WWTR1: variants seen among roughly 807,000 people sequenced by gnomAD.
The protein encoded by WWTR1 is WW domain-containing transcription regulator protein 1.
Under a neutral mutation model 40.1 loss-of-function variants are expected in WWTR1, and 13 were observed. That is an observed-to-expected ratio of 0.32 (90% CI 0.21 to 0.52). WWTR1 has a LOEUF of 0.52. Ranked by LOEUF, WWTR1 falls within the 20% of genes least tolerant of loss-of-function variation. WWTR1 has a pLI of 0.97. For missense variants in WWTR1, 436 were observed against 523.1 expected (o/e 0.83, Z 1.63); for synonymous variants, 230 against 210.1 (o/e 1.09, Z -0.82).
chr3:149,707,270 G>C (rs754070982), upstream of WWTR1, among the ~76,000 whole-genome samples: 1 of 152,126 alleles, frequency 6.6e-6, no homozygotes, highest in Non-Finnish European at 1.5e-5. Flanking sequence ...AGCTGTCTTT[G>C]ATCAAAGCCC....
At chr3:149,646,758 G>A (rs1712557504) in intron 2 of WWTR1, among the ~76,000 whole-genome samples, 1 of 152,194 alleles carries the variant, frequency 6.6e-6, no homozygotes, top group East Asian at 1.9e-4. Context: ...CCGGAGAGCT[G>A]TTCTTTGGGC....
At chr3:149,532,252 T>C (rs1264934660) in intron 4 of WWTR1, among the ~76,000 whole-genome samples, 1 of 152,198 alleles carries the variant, frequency 6.6e-6, no homozygotes, top group African/African-American at 2.4e-5. Flanking sequence ...ATTATTATTA[T>C]TTCATTTTCT....
chr3:149,588,636 G>C (rs551246910), intron 2 of WWTR1, among the ~76,000 whole-genome samples: 2 of 152,074 alleles, frequency 1.3e-5, no homozygotes, highest in South Asian at 4.2e-4. Context: ...ATGAACAAGG[G>C]GGAAGTAGGC....
chr3:149,592,135 C>A (rs188738235), intron 2 of WWTR1, among the ~76,000 whole-genome samples: 7 of 152,134 alleles, frequency 4.6e-5, no homozygotes, highest in Non-Finnish European at 7.4e-5. Flanking sequence ...CAAAAGGGTT[C>A]TGTTATCAAA....
chr3:149,535,717 A>T (rs1160089968), intron 4 of WWTR1, among the ~76,000 whole-genome samples: 1 of 151,780 alleles, frequency 6.6e-6, no homozygotes, highest in African/African-American at 2.4e-5. Context: ...CTTAAAAAAA[A>T]AAAAAAAGGC....
chr3:149,558,167 G>C (rs1736920555), intron 3 of WWTR1, among the ~76,000 whole-genome samples: 2 of 152,062 alleles, frequency 1.3e-5, no homozygotes, highest in South Asian at 4.1e-4. Context: ...CAGTACACCT[G>C]CCAGTCTAGG....
intron 4 of WWTR1, among the ~76,000 whole-genome samples, chr3:149,532,579 T>C (rs1198821612): frequency 1.3e-5 from 2 of 152,228 alleles, no homozygotes; most frequent in Non-Finnish European, 2.9e-5. Flanking sequence ...TCTAGCCTTT[T>C]TTTGAATGAA....
chr3:149,716,120 T>C (rs947035864), intron 5 of WWTR1, among the ~76,000 whole-genome samples: 1 of 152,132 alleles, frequency 6.6e-6, no homozygotes, highest in African/African-American at 2.4e-5. Context: ...TGGTGGCTCA[T>C]GCCTGTAATC....
intron 2 of WWTR1, among the ~76,000 whole-genome samples, chr3:149,628,909 G>T (rs1711498734): frequency 6.6e-6 from 1 of 151,746 alleles, no homozygotes; most frequent in Non-Finnish European, 1.5e-5. Flanking sequence ...GAGTAGCTGG[G>T]ACCACAGACA....
At chr3:149,590,283 A>G (rs373254193) in intron 2 of WWTR1, among the ~76,000 whole-genome samples, 24 of 152,230 alleles carry the variant, frequency 1.6e-4, no homozygotes, top group Admixed American at 6.5e-4. Context: ...TGACATTTAT[A>G]TACCATTTTA....
chr3:149,704,528 G>C, upstream of WWTR1, among the ~76,000 whole-genome samples: 1 of 152,310 alleles, frequency 6.6e-6, no homozygotes, highest in South Asian at 2.1e-4. Context: ...TTGAAAAAAG[G>C]CTTATATAAT....
intron 4 of WWTR1, among the ~76,000 whole-genome samples, chr3:149,528,994 G>A (rs942671529): frequency 5.9e-5 from 9 of 152,296 alleles, no homozygotes; most frequent in African/African-American, 2.2e-4. Context: ...TTTACTGACT[G>A]CAACTACTTT....
At position 149,646,718 on chromosome 3, in the gene WWTR1, C is replaced by T. The variant is rs72615635; in HGVS notation, c.431+10158G>A. 9.6e-3 allele frequency among the ~76,000 whole-genome samples: 1,468 copies of T among 152,174 alleles called. 15 individuals carry two copies. Among genetic ancestry groups the T allele is most frequent in the East Asian group, 0.037 (189 of 5,172 alleles). ...GTGGATGACAGATAAATTAGATAAC[C>T]GACTAGCTAGCTAACAAATTAGATG... is the stretch of plus-strand genomic sequence containing the variant. On this transcript the variant is annotated intron_variant, in intron 2 of 6. Coordinates refer to ENST00000360632, the MANE Select transcript of WWTR1 (RefSeq NM_015472.6).
intron 4 of WWTR1, among the ~76,000 whole-genome samples, chr3:149,530,465 A>G (rs1735521495): frequency 6.6e-6 from 1 of 151,992 alleles, no homozygotes; most frequent in Admixed American, 6.5e-5. Flanking sequence ...TATATAACAC[A>G]CATGAATTGT....
At chr3:149,582,496 C>G (rs898049223) in intron 2 of WWTR1, among the ~76,000 whole-genome samples, 2 of 151,490 alleles carry the variant, frequency 1.3e-5, no homozygotes, top group Middle Eastern at 6.8e-3. Context: ...GAGGCTGAGG[C>G]AGGAGGATTG....
chr3:149,648,281 A>C (rs1281729788), intron 2 of WWTR1, among the ~76,000 whole-genome samples: 1 of 152,230 alleles, frequency 6.6e-6, no homozygotes, highest in Non-Finnish European at 1.5e-5. Flanking sequence ...GCAAGTTTAC[A>C]ATGAAAATGG....
rs1734948826 is a variant in WWTR1 at position 149,519,640 on chromosome 3, C to T, written c.*1165G>A. The T allele has an allele frequency of 6.6e-6, 1 of 152,162 alleles. No individual in the cohort carries two copies. Among genetic ancestry groups the T allele is most frequent in the African/African-American group, 2.4e-5 (1 of 41,440 alleles). The allele number at this position is 152,162 out of a possible 1,614,324, so 9.4% of individuals were successfully genotyped here. A position where few individuals can be genotyped will look rare whatever the true frequency, so the allele number is the denominator to read the frequency against. On this transcript the variant is annotated 3_prime_UTR_variant, in exon 7 of 7. Coordinates refer to ENST00000360632, the MANE Select transcript of WWTR1 (RefSeq NM_015472.6). ...TGTCATCAGCTACAAAATTACAGTG[C>T]TTTATAAAATAAACATCAAGGCCGG...
At chr3:149,686,433 C>T (rs1385159247) in intron 1 of WWTR1, among the ~76,000 whole-genome samples, 1 of 152,058 alleles carries the variant, frequency 6.6e-6, no homozygotes, top group Non-Finnish European at 1.5e-5. Flanking sequence ...GCTGGAGGAT[C>T]CCTTGAGGCC....
intron 2 of WWTR1, among the ~76,000 whole-genome samples, chr3:149,665,227 CTTTTTTTTTTTT>C (rs11398199): frequency 7.8e-6 from 1 of 128,278 alleles, no homozygotes. Context: ...TCCTTTCTTT[CTTTTTTTTTTTT>C]TTTTTGAGAC....
Sources: gnomAD v4.1 joint callset for allele counts (sites outside exome capture counted in the v4.1 genomes callset) on GRCh38, gnomAD v4.1.1 for gene constraint, MANE v1.5 for transcripts, NCBI Gene and HGNC (gene_info 2026-07-23, HGNC 2026-07-21) for gene names.